Variants in MPPED1 observed in about 807,000 individuals in gnomAD.
The protein encoded by MPPED1 is metallophosphoesterase domain-containing protein 1.
MPPED1 carries 16 observed loss-of-function variants against 36.2 expected under a neutral mutation model. That is an observed-to-expected ratio of 0.44 (90% confidence interval 0.30 to 0.67). The LOEUF (loss-of-function observed/expected upper bound fraction) is 0.67, where lower values mean the gene tolerates loss of function less well. Among genes scored for constraint, MPPED1 ranks in the 30% least tolerant of loss-of-function variants. The pLI is 0.10. For synonymous variants in MPPED1, 199 were observed against 191.3 expected (o/e 1.04, Z -0.33); for missense variants, 307 against 453.4 (o/e 0.68, Z 2.93).
At position 43,412,156 on chromosome 22, in the gene MPPED1, C is replaced by T. The variant is rs1463853216; in HGVS notation, c.-81C>T. ...CGGCCGCCGAAGAGGAGCCCGGGGC[C>T]AGGTAGGACCGGAGGCGGGCGGGGC... On this transcript the variant is annotated splice_region_variant and 5_prime_UTR_variant, in exon 1 of 7. Coordinates refer to ENST00000443721, the MANE Select transcript of MPPED1 (RefSeq NM_001044370.2). The T allele has an allele frequency of 3.1e-6, 3 of 978,890 alleles. No homozygotes were observed. Among genetic ancestry groups the T allele is most frequent in the South Asian group, 4.6e-5 (1 of 21,706 alleles). 60.6% of individuals were successfully genotyped at this position (978,890 alleles called of 1,614,324 possible). A position where few individuals can be genotyped will look rare whatever the true frequency, so the allele number is the denominator to read the frequency against.
At chr22:43,488,141 T>G (rs549962328) in intron 4 of MPPED1, among the ~76,000 whole-genome samples, 1 of 152,204 alleles carries the variant, frequency 6.6e-6, no homozygotes, top group East Asian at 1.9e-4. Context: ...CCGTGGGCAC[T>G]GCATCTGTGT....
intron 3 of MPPED1, among the ~76,000 whole-genome samples, chr22:43,473,763 C>T (rs781261099): frequency 4.6e-5 from 7 of 152,108 alleles, no homozygotes; most frequent in African/African-American, 1.7e-4. Flanking sequence ...GGTCTTGCGC[C>T]TGCATAGAGC....
At chr22:43,450,714 G>C (rs952205468) in intron 3 of MPPED1, among the ~76,000 whole-genome samples, 1 of 142,702 alleles carries the variant, frequency 7.0e-6, no homozygotes, top group African/African-American at 2.7e-5. Flanking sequence ...TGGCTCAGTT[G>C]ATGGTAGACT....
At chr22:43,412,262 G>T (rs2146804909) in intron 1 of MPPED1, 104 bp downstream of exon 1, 1 of 736,842 alleles carries the variant, frequency 1.4e-6, no homozygotes, top group Non-Finnish European at 1.7e-6. Context: ...GCGGCGCTGC[G>T]CAGGGGCGCC....
At chr22:43,419,678 C>T (rs995886836) in intron 1 of MPPED1, among the ~76,000 whole-genome samples, 11 of 134,994 alleles carry the variant, frequency 8.1e-5, no homozygotes, top group Middle Eastern at 4.3e-3. Context: ...TTCGGGAGGC[C>T]GGTGTGGTGT....
At chr22:43,492,597 T>A (rs1333707347) in intron 4 of MPPED1, among the ~76,000 whole-genome samples, 1 of 152,116 alleles carries the variant, frequency 6.6e-6, no homozygotes, top group Non-Finnish European at 1.5e-5. Context: ...ACACTTAATT[T>A]TTCCTCTCAC....
rs141296746 is a variant in MPPED1 at position 43,415,100 on chromosome 22, C to T, written c.-79+2942C>T. ...AGCCTGGGGCACTCCGAAAGCCATT[C>T]CCTGCAGCCCTCGTTCTTGCTGTGT... On this transcript the variant is annotated intron_variant, in intron 1 of 6. Transcript: ENST00000443721. Among the ~76,000 whole-genome samples, 224 of 152,114 alleles carry T rather than the reference C, an allele frequency of 1.5e-3. 1 individual carries two copies. The highest frequency in any genetic ancestry group is 5.0e-3 in the African/African-American group (209 of 41,494).
Position 43,428,715 on chromosome 22 carries a change from G to A in MPPED1, c.224+3506G>A, listed in dbSNP as rs367760661. Among the ~76,000 whole-genome samples, 91 of 152,246 alleles carry A rather than the reference G, an allele frequency of 6.0e-4. 2 individuals carry two copies. The South Asian group carries it at 0.018, about 30-fold the overall frequency. On this transcript the variant is annotated intron_variant, in intron 2 of 6. Coordinates refer to ENST00000443721, the MANE Select transcript of MPPED1 (RefSeq NM_001044370.2). ...TGTGATTTATGCAGTTGCCCCCAGA[G>A]ACTCTGCTGGTGACGAGGCCGCCTT...
In MPPED1 at chr22:43,466,019, C is replaced by A. The variant is rs533208152; in HGVS notation, c.407-8717C>A. Among the ~76,000 whole-genome samples the A allele has an allele frequency of 5.3e-5, 8 of 152,312 alleles. No homozygotes were observed. In the East Asian group the frequency reaches 1.5e-3, roughly 29 times the overall value. On this transcript the variant is annotated intron_variant, in intron 3 of 6. Transcript: ENST00000443721. Reference sequence around the variant, plus strand: ...CAGCCTTGATTTTTGGGGGAAAACACAGAAAACTTTCGGCCTGAAGTCATA... The same window carrying A: ...CAGCCTTGATTTTTGGGGGAAAACAAAGAAAACTTTCGGCCTGAAGTCATA...
At chr22:43,500,290 G>GGAGGT (rs1932665214) in intron 5 of MPPED1, among the ~76,000 whole-genome samples, 1 of 9,034 alleles carries the variant, frequency 1.1e-4, no homozygotes, top group African/African-American at 4.7e-4. Flanking sequence ...GTGGTGATGG[G>GGAGGT]GGTGGTGGTG....
chr22:43,469,213 T>C (rs373325803), intron 3 of MPPED1, among the ~76,000 whole-genome samples: 98 of 152,320 alleles, frequency 6.4e-4, no homozygotes, highest in African/African-American at 2.3e-3. Flanking sequence ...TCAGCCGTCT[T>C]ACCTGCTGCA....
chr22:43,449,966 G>A (rs1037205307), intron 3 of MPPED1, among the ~76,000 whole-genome samples: 1 of 152,228 alleles, frequency 6.6e-6, no homozygotes, highest in Non-Finnish European at 1.5e-5. Flanking sequence ...TGGAGAGATG[G>A]GGCTGCAGAA....
chr22:43,427,357 C>T lies in MPPED1; in HGVS notation c.224+2148C>T, dbSNP rs529149787. Among the ~76,000 whole-genome samples the T allele has an allele frequency of 1.1e-4, 16 of 152,176 alleles. 1 individual carries two copies. The South Asian group carries it at 3.3e-3, about 32-fold the overall frequency. The stretch of plus-strand genomic sequence containing the variant: ...TGAAGGCCAGAGCAGGAGGAATAGG[C>T]GTAGCAAGTTGGGAGAGGGTGTGAG... On this transcript the variant is annotated intron_variant, in intron 2 of 6. Coordinates refer to ENST00000443721, the MANE Select transcript of MPPED1 (RefSeq NM_001044370.2).
intron 3 of MPPED1, among the ~76,000 whole-genome samples, chr22:43,449,662 CACATGCATCAGGGGG>C (rs1200490326): frequency 6.6e-6 from 1 of 152,180 alleles, no homozygotes; most frequent in Admixed American, 6.5e-5. Flanking sequence ...GAGGGCCACA[CACATGCATCAGGGGG>C]ACATGGTTGA....
intron 3 of MPPED1, among the ~76,000 whole-genome samples, chr22:43,471,490 C>G (rs1931375450): frequency 6.6e-6 from 1 of 152,162 alleles, no homozygotes; most frequent in African/African-American, 2.4e-5. Context: ...GGTTTCCCAG[C>G]CTTTGAGCCT....
intron 1 of MPPED1, among the ~76,000 whole-genome samples, chr22:43,417,247 C>T (rs184545485): frequency 3.7e-4 from 57 of 152,212 alleles, no homozygotes; most frequent in African/African-American, 1.3e-3. Flanking sequence ...TTGTGGATTC[C>T]TTCATCTACT....
At chr22:43,453,761 G>C (rs1038640945) in intron 3 of MPPED1, among the ~76,000 whole-genome samples, 1 of 152,066 alleles carries the variant, frequency 6.6e-6, no homozygotes, top group Admixed American at 6.6e-5. Flanking sequence ...TAAGATCCAG[G>C]CTCCCCAGAT....
At position 43,498,326 on chromosome 22, in the gene MPPED1, C is replaced by T; in HGVS notation, c.724C>T (p.Leu242=). 1 of 1,535,268 alleles carries T rather than the reference C, an allele frequency of 6.5e-7. No individual in the cohort carries two copies. Among genetic ancestry groups the T allele is most frequent in the African/African-American group, 1.4e-5 (1 of 73,146 alleles). Residue 242 remains leucine, a synonymous_variant, in exon 5 of 7, where the codon CTG becomes TTG. Coordinates refer to ENST00000443721, the MANE Select transcript of MPPED1 (RefSeq NM_001044370.2). The part of the protein sequence containing the change: ...WNLIPEGVDI[L]ITHGPPLGFL... ...CCTCATTCCCGAAGGCGTAGACATC[C>T]TGATAACCCATGGACCACCACTGGG...
At chr22:43,464,729 G>A (rs758925404) in intron 3 of MPPED1, among the ~76,000 whole-genome samples, 2 of 152,204 alleles carry the variant, frequency 1.3e-5, no homozygotes, top group Non-Finnish European at 2.9e-5. Context: ...TCTGGCCACA[G>A]CTCACCTTGC....
Sources: allele counts gnomAD v4.1 joint callset (sites outside exome capture counted in the v4.1 genomes callset), GRCh38; gene constraint gnomAD v4.1.1; transcripts MANE v1.5; gene names NCBI Gene and HGNC (gene_info 2026-07-23, HGNC 2026-07-21).